The following CABLES1 variants were observed in gnomAD, a reference collection of about 807,000 sequenced individuals.
The protein encoded by CABLES1 is Cdk5 and Abl enzyme substrate 1, also known as CDK5 and ABL1 enzyme substrate 1.
CABLES1 carries 36 observed loss-of-function variants against 57.8 expected under a neutral mutation model. That is an observed-to-expected ratio of 0.62 (90% CI 0.48 to 0.82). The LOEUF is 0.82. CABLES1 is among the 40% of genes least tolerant of loss of function. CABLES1 has a pLI of 0.00. For missense variants in CABLES1, 767 were observed against 836.6 expected, an observed-to-expected ratio of 0.92 and a Z score of 1.03; for synonymous variants, 374 against 363.0, an observed-to-expected ratio of 1.03 and a Z score of -0.35.
chr18:23,255,462 C>T (rs577127065), intron 9 of CABLES1, among the ~76,000 whole-genome samples: 1 of 152,164 alleles, frequency 6.6e-6, no homozygotes, highest in African/African-American at 2.4e-5. Context: ...AATCATCTAG[C>T]TTATACAGTA....
chr18:23,213,946 TTTG>T (rs760293742), intron 3 of CABLES1, 28 bp from the exon 4 acceptor site: 10 of 1,418,868 alleles, frequency 7.0e-6, no homozygotes, highest in Non-Finnish European at 9.8e-6. Flanking sequence ...ATTTAGTGTG[TTTG>T]TTGTTTGTTC....
chr18:23,219,644 C>T (rs145572762), intron 4 of CABLES1, among the ~76,000 whole-genome samples: 1 of 152,330 alleles, frequency 6.6e-6, no homozygotes, highest in African/African-American at 2.4e-5. Context: ...CAGGAGTGAG[C>T]TCTGACATAT....
chr18:23,152,486 ATTT>A (rs67308509), intron 1 of CABLES1, among the ~76,000 whole-genome samples: 1 of 134,856 alleles, frequency 7.4e-6, no homozygotes. Context: ...GTTTGGTCTA[ATTT>A]TTTTTTTTTT....
intron 1 of CABLES1, among the ~76,000 whole-genome samples, chr18:23,174,274 T>C (rs2047104621): frequency 6.6e-6 from 1 of 152,254 alleles, no homozygotes; most frequent in East Asian, 1.9e-4. Flanking sequence ...TGTTGTAGCA[T>C]GTATCAGTAC....
At chr18:23,144,216 C>G (rs542159049) in intron 1 of CABLES1, among the ~76,000 whole-genome samples, 32 of 152,358 alleles carry the variant, frequency 2.1e-4, no homozygotes, top group African/African-American at 6.7e-4. Context: ...GCCCCTCCTC[C>G]GTGGTCTGGT....
chr18:23,240,951 A>C (rs577646925), intron 7 of CABLES1, among the ~76,000 whole-genome samples: 2 of 152,346 alleles, frequency 1.3e-5, no homozygotes, highest in African/African-American at 4.8e-5. Flanking sequence ...GTTTGTTTGA[A>C]GTGTGCATTT....
chr18:23,188,114 T>G (rs1192272612), intron 1 of CABLES1, among the ~76,000 whole-genome samples: 1 of 152,210 alleles, frequency 6.6e-6, no homozygotes, highest in East Asian at 1.9e-4. Flanking sequence ...CACCCTACCC[T>G]GCTCCCTGTA....
intron 3 of CABLES1, among the ~76,000 whole-genome samples, chr18:23,206,156 C>T (rs2047361637): frequency 1.3e-5 from 2 of 152,188 alleles, no homozygotes; most frequent in South Asian, 4.1e-4. Flanking sequence ...CCTCCCTGCC[C>T]ACCGTCCTCC....
chr18:23,233,854 T>A (rs1297878588), intron 4 of CABLES1, among the ~76,000 whole-genome samples: 6 of 152,158 alleles, frequency 3.9e-5, no homozygotes, highest in Admixed American at 1.3e-4. Flanking sequence ...ACCCAGTAGG[T>A]GTTTAGGATA....
At chr18:23,246,432 C>T (rs181998037) in intron 7 of CABLES1, among the ~76,000 whole-genome samples, 122 of 152,120 alleles carry the variant, frequency 8.0e-4, no homozygotes, top group Middle Eastern at 3.4e-3. Flanking sequence ...TGCTCTGTCG[C>T]CCAGGCTGAA....
intron 3 of CABLES1, among the ~76,000 whole-genome samples, chr18:23,209,228 G>A (rs77391796): frequency 0.022 from 3,303 of 152,246 alleles, 137 homozygotes; most frequent in East Asian, 0.17. Flanking sequence ...ACATGGTCTC[G>A]CTACCTGCCC....
At chr18:23,152,916 C>T (rs2046940503) in intron 1 of CABLES1, among the ~76,000 whole-genome samples, 1 of 151,956 alleles carries the variant, frequency 6.6e-6, no homozygotes, top group African/African-American at 2.4e-5. Flanking sequence ...ACTCTCCTGC[C>T]TCAGCCTCCC....
chr18:23,142,543 G>T (rs539351251), intron 1 of CABLES1, among the ~76,000 whole-genome samples: 39 of 152,328 alleles, frequency 2.6e-4, no homozygotes, highest in African/African-American at 9.1e-4. Context: ...GAGTGACCAG[G>T]GGGTGACTTA....
rs565991621 is a variant in CABLES1 at position 23,174,506 on chromosome 18, G to A, written c.846-14332G>A. On this transcript the variant is annotated intron_variant, in intron 1 of 9. Coordinates refer to ENST00000256925, the MANE Select transcript of CABLES1 (RefSeq NM_001100619.3). ...TTTTTTTTTGAGACAGAGTCTCGCT[G>A]TGTCGCCCAGGCTGGAGTGCAGTGG... Among the ~76,000 whole-genome samples the A allele has an allele frequency of 2.0e-5, 3 of 151,064 alleles. No homozygotes were observed. In the East Asian group the frequency reaches 5.8e-4, roughly 29 times the overall value.
At chr18:23,150,007 C>G (rs535029215) in intron 1 of CABLES1, 9 of 152,320 alleles carry the variant, frequency 5.9e-5, no homozygotes, top group African/African-American at 1.9e-4. Flanking sequence ...GGCTTGGCAT[C>G]ACCACCGTTA....
rs567777127 is a variant in CABLES1 at position 23,173,199 on chromosome 18, G to A, written c.846-15639G>A. Among the ~76,000 whole-genome samples, 7 of 152,334 alleles carry A rather than the reference G, an allele frequency of 4.6e-5. No homozygotes were observed. In the South Asian group the frequency reaches 1.4e-3, roughly 32 times the overall value. ...ATGGAGCACCAGGTAGCCTGTGCTG[G>A]AGCATCTGTCGATGTGCTGAGCGGG... On this transcript the variant is annotated intron_variant, in intron 1 of 9. Coordinates refer to ENST00000256925, the MANE Select transcript of CABLES1 (RefSeq NM_001100619.3).
At chr18:23,134,694 G>A (rs1253077294), upstream of CABLES1, 1 of 152,096 alleles carries the variant, frequency 6.6e-6, no homozygotes, top group Non-Finnish European at 1.5e-5. Flanking sequence ...AGCCCACCTG[G>A]GTCTTCACAG....
At chr18:23,146,677 C>G (rs2046893344) in intron 1 of CABLES1, among the ~76,000 whole-genome samples, 1 of 152,162 alleles carries the variant, frequency 6.6e-6, no homozygotes, top group Non-Finnish European at 1.5e-5. Flanking sequence ...TTGTTTGATG[C>G]TTAACAGCTT....
intron 4 of CABLES1, chr18:23,219,082 A>AC: frequency 2.4e-6 from 1 of 419,532 alleles, no homozygotes; most frequent in Non-Finnish European, 4.8e-6. Context: ...CCAGCATGCC[A>AC]CCTATGTGGA....
Sources: allele counts gnomAD v4.1 joint callset (sites outside exome capture counted in the v4.1 genomes callset), GRCh38; gene constraint gnomAD v4.1.1; transcripts MANE v1.5; gene names NCBI Gene and HGNC (gene_info 2026-07-23, HGNC 2026-07-21).